The following TRIM58 variants were observed in gnomAD, a reference collection of about 807,000 sequenced individuals.
TRIM58 encodes E3 ubiquitin-protein ligase TRIM58.
Under a neutral mutation model 34.1 loss-of-function variants are expected in TRIM58, and 38 were observed. The ratio of observed to expected loss-of-function variants is 1.12; its 90% CI spans 0.86 to 1.46. The LOEUF (loss-of-function observed/expected upper bound fraction) is 1.46. TRIM58 is among the 40% of genes most tolerant of loss of function. The pLI is 0.00. For missense variants in TRIM58, 677 were observed against 642.0 expected (o/e 1.05, Z -0.59); for synonymous variants, 273 against 275.7 (o/e 0.99, Z 0.10).
chr1:247,860,722 T>C lies in TRIM58; in HGVS notation c.516+10T>C, dbSNP rs1357009296. The C allele has an allele frequency of 3.1e-6, 5 of 1,604,718 alleles. No homozygotes were observed. The highest frequency in any genetic ancestry group is 4.3e-6 in the Non-Finnish European group (5 of 1,171,734). On this transcript the variant is annotated intron_variant, in intron 2 of 5. Coordinates refer to ENST00000366481, the MANE Select transcript of TRIM58 (RefSeq NM_015431.4). ...GACTGTCATTTGGAAGGTAAGACCATGTTGGGGCTTTAGGAGGCTTGCCTG... is the reference window on the plus strand; with the variant it reads ...GACTGTCATTTGGAAGGTAAGACCACGTTGGGGCTTTAGGAGGCTTGCCTG...
intron 2 of TRIM58, among the ~76,000 whole-genome samples, chr1:247,862,474 C>T (rs1261512497): frequency 1.3e-5 from 2 of 152,128 alleles, no homozygotes; most frequent in Non-Finnish European, 2.9e-5. Context: ...CAAAGCTTTA[C>T]AGTATTAAAT....
chr1:247,873,965 C>CA (rs374244350), intron 5 of TRIM58, among the ~76,000 whole-genome samples: 7,971 of 141,948 alleles, frequency 0.056, 700 homozygotes, highest in African/African-American at 0.19. Flanking sequence ...GACTCCGTTT[C>CA]AAAAAAAAAA....
At chr1:247,858,796 T>C (rs1186447562) in intron 1 of TRIM58, among the ~76,000 whole-genome samples, 1 of 136,826 alleles carries the variant, frequency 7.3e-6, no homozygotes, top group African/African-American at 2.8e-5. Context: ...AGTCTAGTTC[T>C]GTAGCTCAGG....
rs978247740 is a variant in TRIM58 at position 247,862,026 on chromosome 1, G to A, written c.516+1314G>A. ...GCCTATAATCCCAGCTACTCGGGAG[G>A]CTGAGGCAGGAGAATTGCTTGAACC... On this transcript the variant is annotated intron_variant, in intron 2 of 5. Coordinates refer to ENST00000366481, the MANE Select transcript of TRIM58 (RefSeq NM_015431.4). Among the ~76,000 whole-genome samples, 5 of 152,208 alleles carry A rather than the reference G, an allele frequency of 3.3e-5. 1 individual carries two copies. The highest frequency in any genetic ancestry group is 1.3e-4 in the Admixed American group (2 of 15,284).
intron 3 of TRIM58, among the ~76,000 whole-genome samples, chr1:247,866,854 T>G (rs78749312): frequency 6.6e-6 from 1 of 152,154 alleles, no homozygotes; most frequent in Non-Finnish European, 1.5e-5. Flanking sequence ...CTTTCTTCCC[T>G]GGTACTAATA....
chr1:247,875,953 G>A lies in TRIM58; in HGVS notation c.925G>A (p.Asp309Asn), dbSNP rs866010526. ...TAHPSLLLTA[D>N]LRSVQDGEPW... ...GCACCCGAGTCTGCTCTTGACCGCC[G>A]ACCTGCGCAGTGTGCAGGATGGAGA... Residue 309 changes from aspartate (D) to asparagine (N), a missense_variant, in exon 6 of 6, where the codon GAC becomes AAC. Physicochemically the swap from Asp to Asn is conservative, Grantham distance 23. Transcript: ENST00000366481. 6.2e-6 allele frequency: 10 copies of A among 1,614,032 alleles called. No individual in the cohort carries two copies. The East Asian group carries it at 6.7e-5, about 11-fold the overall frequency.
chr1:247,857,370 G>T lies in TRIM58; in HGVS notation c.124G>T (p.Glu42Ter). 1.3e-6 allele frequency: 2 copies of T among 1,525,810 alleles called. No individual in the cohort carries two copies. Among genetic ancestry groups the T allele is most frequent in the Non-Finnish European group, 1.8e-6 (2 of 1,135,400 alleles). 94.5% of individuals were successfully genotyped at this position (1,525,810 alleles called of 1,614,324 possible). A position where few individuals can be genotyped will look rare whatever the true frequency, so the allele number is the denominator to read the frequency against. ...CAGCTTCTGCCTCAGGTGCATCTCC[G>T]AGTTCTGCGAGAAGTCGGACGGCGC... ...GHSFCLRCISEFCEKSDGAQG... is the reference protein window; with the variant it reads ...GHSFCLRCIS Residue 42 changes from glutamate (E) to a stop codon, truncating the protein, a stop_gained, in exon 1 of 6, where the codon GAG becomes TAG. Transcript: ENST00000366481. LOFTEE classifies it high-confidence loss of function.
rs1010621675 is a variant in TRIM58, at chr1:247,878,307, A to G, written c.*1818A>G. 2 of 152,226 alleles carry G rather than the reference A, an allele frequency of 1.3e-5. No individual in the cohort carries two copies. Among genetic ancestry groups the G allele is most frequent in the African/African-American group, 4.8e-5 (2 of 41,458 alleles). The allele number at this position is 152,226 out of a possible 1,614,324, so 9.4% of individuals were successfully genotyped here. A position where few individuals can be genotyped will look rare whatever the true frequency, so the allele number is the denominator to read the frequency against. On this transcript the variant is annotated 3_prime_UTR_variant, in exon 6 of 6. Transcript: ENST00000366481. ...TTAACATTATCTGATAATAATCTGC[A>G]GAAGGTTTAATTTTCCTCCTCAATT...
intron 2 of TRIM58, among the ~76,000 whole-genome samples, chr1:247,862,513 T>C (rs1663816971): frequency 6.6e-6 from 1 of 152,148 alleles, no homozygotes; most frequent in Non-Finnish European, 1.5e-5. Flanking sequence ...ATAATGTACA[T>C]AGTGGTAGGA....
intron 2 of TRIM58, 151 bp downstream of exon 2, chr1:247,860,863 T>G: frequency 1.7e-6 from 1 of 587,908 alleles, no homozygotes; most frequent in Non-Finnish European, 3.0e-6. Flanking sequence ...GGTCATCCCG[T>G]CCCCTCAAAT....
rs185945158 is a variant in TRIM58 at position 247,865,054 on chromosome 1, A to C, written c.747+119A>C. The C allele has an allele frequency of 2.1e-5, 20 of 932,320 alleles. No individual in the cohort carries two copies. The East Asian group carries it at 5.0e-4, about 24-fold the overall frequency. The allele number at this position is 932,320 out of a possible 1,614,324, so 57.8% of individuals were successfully genotyped here. A position where few individuals can be genotyped will look rare whatever the true frequency, so the allele number is the denominator to read the frequency against. On this transcript the variant is annotated intron_variant, in intron 3 of 5. Coordinates refer to ENST00000366481, the MANE Select transcript of TRIM58 (RefSeq NM_015431.4). ...GTTCTTTAGGAAAAGGGCACCCTCAAATTTACTCAGAAGGCAGCTTAAACA... is the reference window on the plus strand; with the variant it reads ...GTTCTTTAGGAAAAGGGCACCCTCACATTTACTCAGAAGGCAGCTTAAACA...
chr1:247,859,802 GTA>G (rs1365595988), intron 1 of TRIM58, among the ~76,000 whole-genome samples: 1 of 151,628 alleles, frequency 6.6e-6, no homozygotes, highest in Non-Finnish European at 1.5e-5. Context: ...ATAGAGAAAT[GTA>G]TAAATATAGT....
At chr1:247,870,053 G>T (rs1032315044) in intron 5 of TRIM58, among the ~76,000 whole-genome samples, 1 of 152,170 alleles carries the variant, frequency 6.6e-6, no homozygotes, top group Non-Finnish European at 1.5e-5. Flanking sequence ...ACTAAAGTCT[G>T]TCCAGGTGTA....
chr1:247,869,790 G>C (rs1659053997), intron 5 of TRIM58, among the ~76,000 whole-genome samples: 1 of 152,164 alleles, frequency 6.6e-6, no homozygotes, highest in Non-Finnish European at 1.5e-5. Context: ...AAAATCAACT[G>C]ACCAAAGACA....
intron 5 of TRIM58, among the ~76,000 whole-genome samples, chr1:247,868,473 C>T (rs888878880): frequency 7.2e-5 from 11 of 152,180 alleles, no homozygotes; most frequent in African/African-American, 2.7e-4. Context: ...TCTCCGCAAA[C>T]AGCCAATCAG....
At chr1:247,858,431 A>C (rs1285499748) in intron 1 of TRIM58, among the ~76,000 whole-genome samples, 1 of 152,204 alleles carries the variant, frequency 6.6e-6, no homozygotes, top group Non-Finnish European at 1.5e-5. Context: ...AACACACTTG[A>C]ATCCCAGCAT....
intron 2 of TRIM58, 77 bp from the exon 3 acceptor site, chr1:247,864,628 T>G (rs1189849873): frequency 2.0e-5 from 29 of 1,478,514 alleles, no homozygotes; most frequent in Non-Finnish European, 2.6e-5. Flanking sequence ...AGTCTGGACA[T>G]TACCTTCTCC....
intron 3 of TRIM58, 98 bp downstream of exon 3, chr1:247,865,033 T>C: frequency 1.7e-6 from 2 of 1,201,148 alleles, no homozygotes; most frequent in Non-Finnish European, 2.3e-6. Context: ...GTTTATGTTC[T>C]TTAGGAAAAG....
rs201505615 is a variant in TRIM58, at chr1:247,864,913, G to A, written c.725G>A (p.Arg242His). Residue 242 changes from arginine to histidine, a missense_variant, in exon 3 of 6, where the codon CGC becomes CAC. By Grantham distance (29) the Arg-to-His change is conservative. Coordinates refer to ENST00000366481, the MANE Select transcript of TRIM58 (RefSeq NM_015431.4). ...GATGAGCTGCAGGAGAGGTGCCAGCGCCCGGCCCTGGGTCTGCTGGAGGTG... is the reference window on the plus strand; with the variant it reads ...GATGAGCTGCAGGAGAGGTGCCAGCACCCGGCCCTGGGTCTGCTGGAGGTG... ...LADELQERCQ[R>H]PALGLLEGVR... The A allele has an allele frequency of 1.2e-4, 184 of 1,589,582 alleles. 1 individual carries two copies. In the African/African-American group the frequency reaches 2.2e-3, roughly 19 times the overall value.
Sources: allele counts gnomAD v4.1 joint callset (sites outside exome capture counted in the v4.1 genomes callset), GRCh38; gene constraint gnomAD v4.1.1; transcripts MANE v1.5; gene names NCBI Gene and HGNC (gene_info 2026-07-23, HGNC 2026-07-21).